MTM1: variants seen among roughly 807,000 people sequenced by gnomAD.
MTM1 encodes myotubularin.
MTM1 carries 9 observed loss-of-function variants against 52.1 expected under a neutral mutation model. The observed-to-expected ratio is 0.17, with a 90% CI of 0.10 to 0.30. The LOEUF (loss-of-function observed/expected upper bound fraction) is 0.30, where lower values mean the gene tolerates loss of function less well. Ranked by LOEUF, MTM1 falls within the 10% of genes least tolerant of loss-of-function variation. The pLI, the probability that MTM1 is intolerant of heterozygous loss-of-function variation, is 1.00. For synonymous variants in MTM1, 136 were observed against 163.8 expected, an observed-to-expected ratio of 0.83 and a Z score of 1.29; for missense variants, 277 against 470.7, an observed-to-expected ratio of 0.59 and a Z score of 3.81.
At chrX:150,630,737 G>A (rs2148476087) in intron 6 of MTM1, among the ~76,000 whole-genome samples, 1 of 111,185 alleles carries the variant, frequency 9.0e-6, no homozygotes, top group Admixed American at 9.5e-5. Flanking sequence ...TATTTATTTG[G>A]TAGCATTTGA....
upstream of MTM1, among the ~76,000 whole-genome samples, chrX:150,564,642 A>T (rs2038240807): frequency 8.9e-6 from 1 of 111,791 alleles, no homozygotes; most frequent in Non-Finnish European, 1.9e-5. Flanking sequence ...CGGCCTCCCA[A>T]AGTGCTGGGA....
rs145370519 is a variant in MTM1, at chrX:150,636,456, T to C, written c.445-2487T>C. Among the ~76,000 whole-genome samples, 745 of 112,075 alleles carry C rather than the reference T, an allele frequency of 6.6e-3. 5 individuals carry two copies. Among genetic ancestry groups the C allele is most frequent in the African/African-American group, 0.023 (719 of 30,871 alleles). On this transcript the variant is annotated intron_variant, in intron 6 of 14. Coordinates refer to ENST00000370396, the MANE Select transcript of MTM1 (RefSeq NM_000252.3). ...GGATTGAAAAAATAGTAATTTAGGTTGAAAATGCTGCTTGAAAGTTAATGC... is the reference window on the plus strand; with the variant it reads ...GGATTGAAAAAATAGTAATTTAGGTCGAAAATGCTGCTTGAAAGTTAATGC...
chrX:150,567,416 A>G, upstream of MTM1, among the ~76,000 whole-genome samples: 1 of 111,955 alleles, frequency 8.9e-6, no homozygotes, highest in Non-Finnish European at 1.9e-5. Flanking sequence ...CTGTTTTTAG[A>G]TGCTGGAGAA....
intron 2 of MTM1, 39 bp from the exon 3 acceptor site, chrX:150,596,459 G>T: frequency 9.2e-7 from 1 of 1,081,794 alleles, no homozygotes; most frequent in Non-Finnish European, 1.3e-6. Flanking sequence ...GTGTGTAAAT[G>T]TAACGTCATT....
At position 150,641,312 on chromosome X, in the gene MTM1, G is replaced by T. The variant is rs1557413850; in HGVS notation, c.572G>T (p.Cys191Phe). The T allele has an allele frequency of 8.3e-7, 1 of 1,211,147 alleles. No individual in the cohort carries two copies. The highest frequency in any genetic ancestry group is 1.8e-5 in the South Asian group (1 of 56,935). ...TGGAGAATAACTTTTATTAATAAGT[G>T]CTATGAGCTCTGTGACACTTACCCT... ...HHWRITFINK[C>F]YELCDTYPAL... is the part of the protein sequence containing the mutation. Residue 191 changes from cysteine to phenylalanine, a missense_variant, in exon 8 of 15, where the codon TGC (cysteine) becomes TTC (phenylalanine). Cys to Phe is a radical substitution (Grantham distance 205). Coordinates refer to ENST00000370396, the MANE Select transcript of MTM1 (RefSeq NM_000252.3).
intron 4 of MTM1, 36 bp from the exon 5 acceptor site, chrX:150,614,553 C>T (rs1557413085): frequency 1.2e-6 from 1 of 803,928 alleles, no homozygotes; most frequent in Admixed American, 2.3e-5. Context: ...ATTATACTGA[C>T]AGAAATACTG....
rs148360314 is a variant in MTM1, at chrX:150,581,339, G to T, written c.-10-11266G>T. Reference sequence around the variant, plus strand: ...GGGGACTACTTTGAAGAATAACTCAGCTATATATGATCTGACAGGCTTTTT... The same window carrying T: ...GGGGACTACTTTGAAGAATAACTCATCTATATATGATCTGACAGGCTTTTT... On this transcript the variant is annotated intron_variant, in intron 1 of 14. Transcript: ENST00000370396. Among the ~76,000 whole-genome samples, 524 of 112,069 alleles carry T rather than the reference G, an allele frequency of 4.7e-3. 2 individuals carry two copies. The highest frequency in any genetic ancestry group is 0.016 in the African/African-American group (500 of 30,871).
chrX:150,657,506 T>C (rs1249120686), intron 10 of MTM1, among the ~76,000 whole-genome samples: 3 of 105,706 alleles, frequency 2.8e-5, no homozygotes, highest in Non-Finnish European at 5.8e-5. Flanking sequence ...TTAGGAGATA[T>C]ACCTAATGCT....
At chrX:150,640,132 A>C (rs1243641895) in intron 7 of MTM1, among the ~76,000 whole-genome samples, 1 of 112,003 alleles carries the variant, frequency 8.9e-6, no homozygotes, top group Non-Finnish European at 1.9e-5. Flanking sequence ...CTGAGGCGGA[A>C]GAAGGACCAT....
intron 9 of MTM1, among the ~76,000 whole-genome samples, chrX:150,648,351 A>C (rs192240368): frequency 8.5e-4 from 95 of 111,795 alleles, no homozygotes; most frequent in African/African-American, 2.8e-3. Flanking sequence ...ACAAAAAAAA[A>C]CCTAAGTTTC....
chrX:150,581,068 C>T (rs1047507817), intron 1 of MTM1, among the ~76,000 whole-genome samples: 10 of 111,661 alleles, frequency 9.0e-5, no homozygotes, highest in African/African-American at 2.9e-4. Flanking sequence ...AAAATATCCT[C>T]GCACCTTTAA....
intron 10 of MTM1, among the ~76,000 whole-genome samples, chrX:150,657,299 C>A (rs782213791): frequency 0.014 from 1,511 of 111,010 alleles, 33 homozygotes; most frequent in African/African-American, 0.047. Flanking sequence ...AGCCATAAAA[C>A]AGGATGAGTT....
intron 6 of MTM1, among the ~76,000 whole-genome samples, chrX:150,628,926 C>T (rs1271594839): frequency 4.5e-5 from 5 of 110,616 alleles, no homozygotes; most frequent in Non-Finnish European, 9.5e-5. Context: ...AGAAATCCTA[C>T]TGCCTCTGCC....
At chrX:150,593,362 G>A (rs1204870226) in intron 2 of MTM1, among the ~76,000 whole-genome samples, 3 of 111,785 alleles carry the variant, frequency 2.7e-5, no homozygotes, top group Non-Finnish European at 5.6e-5. Context: ...CCTAATTATT[G>A]GCATTATTTT....
chrX:150,631,062 T>C (rs1176632020), intron 6 of MTM1, among the ~76,000 whole-genome samples: 1 of 112,104 alleles, frequency 8.9e-6, no homozygotes, highest in Non-Finnish European at 1.9e-5. Context: ...GGGCTGGCCA[T>C]GTAAGCACCC....
rs782107941 is a variant in MTM1, at chrX:150,650,611, T to C, written c.1053+710T>C. ...CATTTCTTTAGCTCCTGCACTGAGCTAATCATCAAGTACCACAGGCCCTTC... is the reference window on the plus strand; with the variant it reads ...CATTTCTTTAGCTCCTGCACTGAGCCAATCATCAAGTACCACAGGCCCTTC... On this transcript the variant is annotated intron_variant, in intron 10 of 14. Transcript: ENST00000370396. Among the ~76,000 whole-genome samples the C allele has an allele frequency of 2.9e-3, 322 of 111,383 alleles. 1 individual carries two copies. The highest frequency in any genetic ancestry group is 5.0e-3 in the Non-Finnish European group (267 of 53,038).
chrX:150,582,150 G>A (rs1381204992), intron 1 of MTM1, among the ~76,000 whole-genome samples: 2 of 111,278 alleles, frequency 1.8e-5, no homozygotes. Context: ...ACTCTCCATT[G>A]TGGTCCAGAG....
chrX:150,585,412 T>G (rs1326629634), intron 1 of MTM1, among the ~76,000 whole-genome samples: 1 of 112,074 alleles, frequency 8.9e-6, no homozygotes, highest in Non-Finnish European at 1.9e-5. Context: ...CTGAGAAGGT[T>G]CTTGGAAAGT....
intron 4 of MTM1, among the ~76,000 whole-genome samples, chrX:150,611,233 C>A (rs782298225): frequency 1.8e-5 from 2 of 111,979 alleles, no homozygotes; most frequent in Non-Finnish European, 3.8e-5. Context: ...TTACATCTTC[C>A]AAATACTAAG....
Sources: allele counts gnomAD v4.1 joint callset (sites outside exome capture counted in the v4.1 genomes callset), GRCh38; gene constraint gnomAD v4.1.1; transcripts MANE v1.5; gene names NCBI Gene and HGNC (gene_info 2026-07-23, HGNC 2026-07-21).